ARID1B: variants seen among roughly 807,000 people sequenced by gnomAD.
The protein encoded by ARID1B is AT-rich interaction domain 1B, also known as AT-rich interactive domain-containing protein 1B.
In ARID1B, 30 loss-of-function variants were observed where a neutral mutation model predicts 212.3. The ratio of observed to expected loss-of-function variants is 0.14; its 90% confidence interval spans 0.11 to 0.19. The LOEUF is 0.19. Ranked by LOEUF, ARID1B falls within the 10% of genes least tolerant of loss-of-function variation. ARID1B has a pLI of 1.00. For synonymous variants in ARID1B, 1,402 were observed against 1,301.7 expected (o/e 1.08, Z -1.66); for missense variants, 2,891 against 3,204.0 (o/e 0.90, Z 2.36).
chr6:157,189,566 A>G (rs1793211132), intron 13 of ARID1B, 76 bp from the exon 14 acceptor site: 1 of 1,472,896 alleles, frequency 6.8e-7, no homozygotes, highest in Non-Finnish European at 9.1e-7. Flanking sequence ...TTTCATCTGT[A>G]TAACTAGCAA....
intron 1 of ARID1B, among the ~76,000 whole-genome samples, chr6:156,787,619 T>C (rs1004396856): frequency 6.8e-6 from 1 of 147,508 alleles, no homozygotes; most frequent in Non-Finnish European, 1.5e-5. Flanking sequence ...GTATATTTTA[T>C]AATAAATTCA....
intron 4 of ARID1B, among the ~76,000 whole-genome samples, chr6:157,011,361 T>C (rs1158369165): frequency 6.6e-6 from 1 of 152,264 alleles, no homozygotes; most frequent in African/African-American, 2.4e-5. Flanking sequence ...ATATGAATTC[T>C]ACACCTTTAG....
At chr6:156,780,109 C>T (rs1180752220) in intron 1 of ARID1B, among the ~76,000 whole-genome samples, 1 of 152,134 alleles carries the variant, frequency 6.6e-6, no homozygotes. Context: ...ACAAAATTTA[C>T]AACGACATGG....
intron 2 of ARID1B, among the ~76,000 whole-genome samples, chr6:156,866,177 T>G (rs1211836129): frequency 6.6e-6 from 1 of 152,150 alleles, no homozygotes; most frequent in Non-Finnish European, 1.5e-5. Context: ...TTGGCAAGGT[T>G]GATTGTGCTG....
intron 13 of ARID1B, among the ~76,000 whole-genome samples, chr6:157,187,427 G>C (rs1172182191): frequency 6.6e-6 from 1 of 152,148 alleles, no homozygotes; most frequent in Non-Finnish European, 1.5e-5. Context: ...AAGGGACTCA[G>C]GTTATAAACA....
chr6:157,115,783 T>G (rs949653933), intron 6 of ARID1B, among the ~76,000 whole-genome samples: 1 of 152,222 alleles, frequency 6.6e-6, no homozygotes, highest in African/African-American at 2.4e-5. Flanking sequence ...CCTTTACTTC[T>G]TCATTATGTA....
At chr6:156,862,480 C>T (rs901569878) in intron 2 of ARID1B, among the ~76,000 whole-genome samples, 5 of 151,978 alleles carry the variant, frequency 3.3e-5, no homozygotes, top group African/African-American at 1.2e-4. Flanking sequence ...AAGACGAAGG[C>T]AGAACAGTAA....
intron 2 of ARID1B, among the ~76,000 whole-genome samples, chr6:156,853,066 G>C (rs963179567): frequency 6.6e-6 from 1 of 152,092 alleles, no homozygotes; most frequent in Non-Finnish European, 1.5e-5. Flanking sequence ...CGGTTTGACT[G>C]GTGGAATTAC....
At chr6:156,841,479 G>C (rs951568795) in intron 2 of ARID1B, among the ~76,000 whole-genome samples, 1 of 152,114 alleles carries the variant, frequency 6.6e-6, no homozygotes, top group Non-Finnish European at 1.5e-5. Flanking sequence ...CATGTAAACT[G>C]TCACCATCAC....
At chr6:157,133,891 G>A (rs575781911) in intron 7 of ARID1B, among the ~76,000 whole-genome samples, 1 of 152,250 alleles carries the variant, frequency 6.6e-6, no homozygotes, top group South Asian at 2.1e-4. Context: ...TTTTATCAAG[G>A]TTTTTAACCT....
chr6:156,872,362 C>T (rs1786200376), intron 2 of ARID1B, among the ~76,000 whole-genome samples: 1 of 152,102 alleles, frequency 6.6e-6, no homozygotes, highest in South Asian at 2.1e-4. Flanking sequence ...GCTGTTTTTG[C>T]CCAGGCTGGA....
chr6:157,075,985 T>G (rs1213275680), intron 4 of ARID1B, among the ~76,000 whole-genome samples: 1 of 152,166 alleles, frequency 6.6e-6, no homozygotes, highest in Non-Finnish European at 1.5e-5. Flanking sequence ...AAAATATGAA[T>G]GAAGTCTCTG....
intron 11 of ARID1B, among the ~76,000 whole-genome samples, chr6:157,178,731 A>G (rs922558885): frequency 4.0e-5 from 6 of 151,104 alleles, no homozygotes; most frequent in Non-Finnish European, 8.8e-5. Context: ...ACTTAAGTTT[A>G]TTTAACCAAG....
At chr6:156,997,189 A>G (rs1279626446) in intron 4 of ARID1B, among the ~76,000 whole-genome samples, 1 of 152,222 alleles carries the variant, frequency 6.6e-6, no homozygotes, top group Non-Finnish European at 1.5e-5. Flanking sequence ...CATGCATGTT[A>G]CATTAGTTAT....
At chr6:157,021,106 G>A (rs1474103584) in intron 4 of ARID1B, among the ~76,000 whole-genome samples, 3 of 152,076 alleles carry the variant, frequency 2.0e-5, no homozygotes, top group Non-Finnish European at 2.9e-5. Context: ...CTTGGTCAGG[G>A]CCCGCTTGAG....
chr6:157,080,584 C>T (rs898359882), intron 4 of ARID1B, among the ~76,000 whole-genome samples: 5 of 152,192 alleles, frequency 3.3e-5, no homozygotes, highest in Non-Finnish European at 5.9e-5. Context: ...TCTGACGCTG[C>T]CCTCCCTGAG....
intron 6 of ARID1B, among the ~76,000 whole-genome samples, chr6:157,112,241 A>G (rs980218702): frequency 6.6e-6 from 1 of 152,218 alleles, no homozygotes; most frequent in African/African-American, 2.4e-5. Flanking sequence ...TCATCCTTTT[A>G]TCCCATATCA....
At chr6:156,965,559 G>A (rs1794685423) in intron 4 of ARID1B, among the ~76,000 whole-genome samples, 1 of 152,196 alleles carries the variant, frequency 6.6e-6, no homozygotes, top group South Asian at 2.1e-4. Flanking sequence ...AGAAAGAGTA[G>A]ATTAAACACA....
chr6:156,861,754 G>A (rs1785349278), intron 2 of ARID1B, among the ~76,000 whole-genome samples: 1 of 152,160 alleles, frequency 6.6e-6, no homozygotes, highest in African/African-American at 2.4e-5. Context: ...TGCTTACAAA[G>A]CTTTAATAAG....
Sources: gnomAD v4.1 joint callset for allele counts (sites outside exome capture counted in the v4.1 genomes callset) on GRCh38, gnomAD v4.1.1 for gene constraint, MANE v1.5 for transcripts, NCBI Gene and HGNC (gene_info 2026-07-23, HGNC 2026-07-21) for gene names.